Variants in PBX1 observed in about 807,000 individuals in gnomAD.
The protein encoded by PBX1 is PBX homeobox 1.
A neutral mutation model predicts 53.4 loss-of-function variants in PBX1; 6 were observed. That is an observed-to-expected ratio of 0.11 (90% CI 0.06 to 0.22). The LOEUF is 0.22. PBX1 is among the 10% of genes least tolerant of loss of function. The pLI is 1.00. For synonymous variants in PBX1, 204 were observed against 212.3 expected (o/e 0.96, Z 0.34); for missense variants, 251 against 551.4 (o/e 0.46, Z 5.46).
intron 2 of PBX1, among the ~76,000 whole-genome samples, chr1:164,655,736 C>T (rs1444469854): frequency 6.6e-6 from 1 of 152,148 alleles, no homozygotes; most frequent in Non-Finnish European, 1.5e-5. Flanking sequence ...TTGCACTGGG[C>T]TTTAGATTTG....
chr1:164,677,344 G>A (rs541812979), intron 2 of PBX1, among the ~76,000 whole-genome samples: 3 of 150,250 alleles, frequency 2.0e-5, no homozygotes, highest in Admixed American at 6.6e-5. Flanking sequence ...CACCCGCCTC[G>A]GCCTCCCAAA....
At chr1:164,715,783 C>G (rs548255670) in intron 2 of PBX1, among the ~76,000 whole-genome samples, 1 of 152,090 alleles carries the variant, frequency 6.6e-6, no homozygotes, top group East Asian at 1.9e-4. Flanking sequence ...AAGTCTAAGC[C>G]GGGATAAACT....
At chr1:164,830,323 A>G (rs965613443) in intron 8 of PBX1, among the ~76,000 whole-genome samples, 1 of 152,180 alleles carries the variant, frequency 6.6e-6, no homozygotes, top group African/African-American at 2.4e-5. Context: ...GAAGCCACCA[A>G]AGTGGGGTGA....
intron 2 of PBX1, among the ~76,000 whole-genome samples, chr1:164,610,862 C>A (rs1656874638): frequency 6.6e-6 from 1 of 152,236 alleles, no homozygotes; most frequent in Admixed American, 6.5e-5. Context: ...AGGAGAAAAT[C>A]AAATTAAATG....
chr1:164,741,241 C>G (rs919569193), intron 2 of PBX1, among the ~76,000 whole-genome samples: 8 of 152,146 alleles, frequency 5.3e-5, no homozygotes, highest in African/African-American at 1.9e-4. Context: ...GAAGTGAAGG[C>G]AGCATTCGTG....
rs1037166781 is a variant in PBX1 at position 164,839,015 on chromosome 1, C to T, written c.1201-7569C>T. 1.1e-4 allele frequency among the ~76,000 whole-genome samples: 16 copies of T among 152,170 alleles called. 1 individual carries two copies. The South Asian group carries it at 1.2e-3, about 12-fold the overall frequency. ...GGGCATGGCTAAGTCCTCTCCTCTCCGGTCCTGTCTTGCTTCACTTACCAC... is the reference window on the plus strand; with the variant it reads ...GGGCATGGCTAAGTCCTCTCCTCTCTGGTCCTGTCTTGCTTCACTTACCAC... On this transcript the variant is annotated intron_variant, in intron 8 of 8. Transcript: ENST00000420696.
chr1:164,588,491 T>TTTC (rs1655112470), intron 2 of PBX1, among the ~76,000 whole-genome samples: 1 of 147,632 alleles, frequency 6.8e-6, no homozygotes, highest in South Asian at 2.2e-4. Context: ...TTTTTTTTTT[T>TTTC]TTTTTTTTTA....
intron 2 of PBX1, among the ~76,000 whole-genome samples, chr1:164,672,821 C>T (rs1661192346): frequency 1.3e-5 from 2 of 152,170 alleles, no homozygotes; most frequent in Non-Finnish European, 2.9e-5. Flanking sequence ...CTCACATTGC[C>T]TTTGGCTTTT....
Position 164,812,090 on chromosome 1 carries a change from C to T in PBX1, c.938C>T (p.Ala313Val). The T allele has an allele frequency of 6.2e-7, 1 of 1,613,862 alleles. No homozygotes were observed. The highest frequency in any genetic ancestry group is 1.1e-5 in the South Asian group (1 of 91,024). ...NIYAAKTAVT[A>V]TNVSAHGSQA... ...TATGCTGCCAAAACAGCTGTCACTG[C>T]TACCAATGTGTCAGCCCATGGAAGC... is the stretch of plus-strand genomic sequence containing the variant. Residue 313 changes from alanine to valine, a missense_variant, in exon 6 of 9, where the codon GCT (alanine) becomes GTT (valine). Physicochemically the swap from Ala to Val is moderately conservative, Grantham distance 64. Transcript: ENST00000420696.
chr1:164,870,343 T>TTCTC (rs1558053860), intron 2 of PBX1, among the ~76,000 whole-genome samples: 1 of 119,384 alleles, frequency 8.4e-6, no homozygotes, highest in African/African-American at 3.4e-5. Context: ...CTTTCTTTCT[T>TTCTC]TCTTTCTTTC....
chr1:164,790,840 A>G (rs767987627), intron 2 of PBX1, among the ~76,000 whole-genome samples: 5 of 152,040 alleles, frequency 3.3e-5, no homozygotes, highest in Non-Finnish European at 5.9e-5. Flanking sequence ...ACATCTAGAC[A>G]TACCCTCATT....
intron 2 of PBX1, among the ~76,000 whole-genome samples, chr1:164,881,339 AG>A (rs879555346): frequency 0.27 from 22,796 of 83,418 alleles, 4,185 homozygotes; most frequent in Non-Finnish European, 0.33. Flanking sequence ...AAAAGAAGGA[AG>A]GAAGGAAGGA....
chr1:164,590,634 A>G (rs1170443926), intron 2 of PBX1, among the ~76,000 whole-genome samples: 4 of 152,076 alleles, frequency 2.6e-5, no homozygotes, highest in Non-Finnish European at 5.9e-5. Flanking sequence ...ATGACTCCCA[A>G]AAGTGTATGC....
In PBX1 at chr1:164,850,636, G is replaced by T. The variant is rs1671790448; in HGVS notation, c.*3960G>T. ...ACAAGTAGGCTTGTTCTTCTACTTT[G>T]CTTCAGAATTCAGTTAATGCCAAAA... On this transcript the variant is annotated 3_prime_UTR_variant, in exon 9 of 9. Transcript: ENST00000420696. 2 of 192,246 alleles carry T rather than the reference G, an allele frequency of 1.0e-5. No individual in the cohort carries two copies. Among genetic ancestry groups the T allele is most frequent in the East Asian group, 1.6e-4 (2 of 12,194 alleles). The allele number at this position is 192,246 out of a possible 1,614,324, so 11.9% of individuals were successfully genotyped here.
chr1:164,844,533 C>A (rs1400120351), intron 8 of PBX1, among the ~76,000 whole-genome samples: 2 of 152,002 alleles, frequency 1.3e-5, no homozygotes, highest in African/African-American at 4.8e-5. Flanking sequence ...AATAATTTTC[C>A]CCAAGTAGTA....
At chr1:164,738,446 T>G (rs1665417881) in intron 2 of PBX1, among the ~76,000 whole-genome samples, 1 of 152,162 alleles carries the variant, frequency 6.6e-6, no homozygotes, top group Admixed American at 6.5e-5. Context: ...CCACTATACC[T>G]GGCTGATTTT....
intron 2 of PBX1, among the ~76,000 whole-genome samples, chr1:164,879,379 T>A (rs943389331): frequency 5.5e-4 from 83 of 152,150 alleles, no homozygotes; most frequent in African/African-American, 1.8e-3. Flanking sequence ...GTGGACTCAG[T>A]GGCTACCTGC....
At chr1:164,608,496 A>AT (rs1296726787) in intron 2 of PBX1, among the ~76,000 whole-genome samples, 1 of 152,238 alleles carries the variant, frequency 6.6e-6, no homozygotes, top group African/African-American at 2.4e-5. Flanking sequence ...TTTTGTAAGT[A>AT]TTTAACTTAT....
intron 6 of PBX1, 100 bp from the exon 7 acceptor site, chr1:164,819,972 G>T (rs943477886): frequency 4.8e-5 from 33 of 684,636 alleles, no homozygotes; most frequent in African/African-American, 2.2e-4. Context: ...TTTTATTTGG[G>T]GGGGGTTGCT....
Sources: allele counts gnomAD v4.1 joint callset (sites outside exome capture counted in the v4.1 genomes callset), GRCh38; gene constraint gnomAD v4.1.1; transcripts MANE v1.5; gene names NCBI Gene and HGNC (gene_info 2026-07-23, HGNC 2026-07-21).